PNISR: variants seen among roughly 807,000 people sequenced by gnomAD.
The protein encoded by PNISR is PNN interacting serine and arginine rich protein.
In PNISR, 20 loss-of-function variants were observed where a neutral mutation model predicts 93.4. The ratio of observed to expected loss-of-function variants is 0.21; its 90% confidence interval spans 0.15 to 0.31. The LOEUF (loss-of-function observed/expected upper bound fraction) is 0.31, where lower values mean the gene tolerates loss of function less well. Among genes scored for constraint, PNISR ranks in the 10% least tolerant of loss-of-function variants. The pLI is 1.00. For synonymous variants in PNISR, 305 were observed against 306.5 expected (o/e 0.99, Z 0.05); for missense variants, 893 against 985.4 (o/e 0.91, Z 1.25).
chr6:99,415,946 A>C (rs865888382), intron 2 of PNISR: 4 of 153,302 alleles, frequency 2.6e-5, no homozygotes, highest in African/African-American at 9.6e-5. Context: ...GCAGATACTA[A>C]TCCCTCAAAT....
At chr6:99,415,744 T>A (rs567918636) in intron 2 of PNISR, 1 of 152,180 alleles carries the variant, frequency 6.6e-6, no homozygotes, top group Non-Finnish European at 1.5e-5. Context: ...TCCTTTCCTG[T>A]ATGCTAAAAA....
At chr6:99,414,927 A>G in intron 2 of PNISR, 1 of 238,690 alleles carries the variant, frequency 4.2e-6, no homozygotes, top group Non-Finnish European at 7.9e-6. Context: ...CTCAAAAAAG[A>G]CTTTAAAAAA....
intron 8 of PNISR, among the ~76,000 whole-genome samples, chr6:99,405,000 A>C (rs1775979407): frequency 6.6e-6 from 1 of 152,116 alleles, no homozygotes; most frequent in South Asian, 2.1e-4. Flanking sequence ...GCTTGTCTTA[A>C]ACTCCTGATC....
intron 3 of PNISR, among the ~76,000 whole-genome samples, chr6:99,413,204 G>C (rs917761837): frequency 6.6e-6 from 1 of 152,030 alleles, no homozygotes; most frequent in African/African-American, 2.4e-5. Context: ...GATGAGAGCA[G>C]CTACCTAACT....
chr6:99,404,088 T>C, intron 9 of PNISR: 1 of 532,610 alleles, frequency 1.9e-6, no homozygotes, highest in Non-Finnish European at 3.3e-6. Flanking sequence ...TGGTTTATAA[T>C]GAGAAAAAAT....
chr6:99,408,031 C>T (rs763019088), intron 7 of PNISR, 50 bp downstream of exon 7: 2 of 1,391,226 alleles, frequency 1.4e-6, no homozygotes, highest in Admixed American at 2.2e-5. Context: ...GTAAAGTTTT[C>T]ACACAACCAA....
rs969532788 is a variant in PNISR, at chr6:99,408,383, T to C, written c.674-112A>G. On this transcript the variant is annotated intron_variant, in intron 6 of 11. Transcript: ENST00000369239. ...AATATCATGCCTTTCTTCAATGCCA[T>C]CACTTTTAGTAACAGCAGGGACCAC... 8.6e-6 allele frequency: 6 copies of C among 699,380 alleles called. No individual in the cohort carries two copies. The African/African-American group carries it at 8.9e-5, about 10-fold the overall frequency. 43.3% of individuals were successfully genotyped at this position (699,380 alleles called of 1,614,324 possible).
chr6:99,419,962 G>A (rs556451604), intron 1 of PNISR, among the ~76,000 whole-genome samples: 37 of 151,418 alleles, frequency 2.4e-4, no homozygotes, highest in African/African-American at 8.7e-4. Flanking sequence ...TTGGCTCACT[G>A]CAAGCTCTGC....
intron 7 of PNISR, among the ~76,000 whole-genome samples, chr6:99,407,728 A>C (rs1339116839): frequency 1.3e-5 from 2 of 152,234 alleles, no homozygotes; most frequent in Non-Finnish European, 2.9e-5. Context: ...CCTCAGGTAT[A>C]TGTTTAAATG....
intron 4 of PNISR, among the ~76,000 whole-genome samples, chr6:99,411,318 G>A (rs530390494): frequency 6.6e-6 from 1 of 151,958 alleles, no homozygotes; most frequent in African/African-American, 2.4e-5. Context: ...TTTCTTACAC[G>A]AACACATTTA....
intron 1 of PNISR, among the ~76,000 whole-genome samples, chr6:99,421,386 T>C (rs1285275998): frequency 4.6e-5 from 7 of 150,758 alleles, no homozygotes; most frequent in Non-Finnish European, 8.8e-5. Flanking sequence ...CTGATACTTG[T>C]GAGTATCAAG....
chr6:99,412,311 CT>C, intron 4 of PNISR: 1 of 630,040 alleles, frequency 1.6e-6, no homozygotes, highest in Non-Finnish European at 2.9e-6. Flanking sequence ...TTCCCAGCCC[CT>C]GTCAGCCTAG....
At chr6:99,403,047 G>T (rs1024603689) in intron 10 of PNISR, 1 of 169,268 alleles carries the variant, frequency 5.9e-6, no homozygotes, top group African/African-American at 2.4e-5. Flanking sequence ...GACCCTGAAA[G>T]TATTTCTAAA....
At chr6:99,424,708 C>T (rs1779203452) in intron 1 of PNISR, among the ~76,000 whole-genome samples, 1 of 152,270 alleles carries the variant, frequency 6.6e-6, no homozygotes, top group South Asian at 2.1e-4. Flanking sequence ...CTATCCACCA[C>T]AGGGTAAAAA....
chr6:99,409,118 A>G (rs1776519309), intron 6 of PNISR, 55 bp downstream of exon 6: 4 of 1,350,546 alleles, frequency 3.0e-6, no homozygotes, highest in East Asian at 2.3e-5. Flanking sequence ...CATCCTTTTT[A>G]TATGATAAAA....
chr6:99,409,358 G>A lies in PNISR; in HGVS notation c.502-14C>T, dbSNP rs773532279. 6.2e-7 allele frequency: 1 copy of A among 1,610,922 alleles called. No homozygotes were observed. Reference sequence around the variant, plus strand: ...AGCAGCCCCATGCTGAAAGAGTATTGCAGTTTATTTTTTCTTCAAATTAAT... The same window carrying A: ...AGCAGCCCCATGCTGAAAGAGTATTACAGTTTATTTTTTCTTCAAATTAAT... On this transcript the variant is annotated splice_polypyrimidine_tract_variant and intron_variant, in intron 5 of 11. Transcript: ENST00000369239.
In PNISR at chr6:99,401,388, T is replaced by G; in HGVS notation, c.1570A>C (p.Thr524Pro). 1 of 1,609,842 alleles carries G rather than the reference T, an allele frequency of 6.2e-7. No individual in the cohort carries two copies. The highest frequency in any genetic ancestry group is 8.5e-7 in the Non-Finnish European group (1 of 1,176,428). Residue 524 changes from threonine (T) to proline (P), a missense_variant, in exon 12 of 12, where the codon ACT (threonine) becomes CCT (proline). By Grantham distance (38) the Thr-to-Pro change is conservative (BLOSUM62 -1). Around this residue, in one of 3 missense-constraint regions of PNISR, gnomAD observed 866 missense variants for 935.1 expected, o/e 0.93. Coordinates refer to ENST00000369239, the MANE Select transcript of PNISR (RefSeq NM_032870.4). ...SSGSSSSNSRTSSTSSTVSSS... is the reference protein window; with the variant it reads ...SSGSSSSNSRPSSTSSTVSSS... Reference sequence around the variant, plus strand: ...GAGACAGTACTACTAGTACTACTAGTTCTGCTATTGCTACTGGAACTACCA... The same window carrying G: ...GAGACAGTACTACTAGTACTACTAGGTCTGCTATTGCTACTGGAACTACCA...
At chr6:99,402,838 G>T in intron 10 of PNISR, 128 bp from the exon 11 acceptor site, 1 of 650,380 alleles carries the variant, frequency 1.5e-6, no homozygotes, top group Non-Finnish European at 2.5e-6. Flanking sequence ...GCTTATTCGG[G>T]GTGGGGAGAA....
intron 9 of PNISR, 186 bp downstream of exon 9, chr6:99,404,417 G>C (rs1288383162): frequency 3.2e-6 from 2 of 619,292 alleles, no homozygotes; most frequent in Admixed American, 4.9e-5. Context: ...ATGTAGGTCA[G>C]ATAAAACAAA....
Sources: gnomAD v4.1 joint callset for allele counts (sites outside exome capture counted in the v4.1 genomes callset) on GRCh38, gnomAD v4.1.1 for gene constraint, gnomAD v4.1.1 regional missense constraint, MANE v1.5 for transcripts, NCBI Gene and HGNC (gene_info 2026-07-23, HGNC 2026-07-21) for gene names.